The following UBE2E1 variants were observed in gnomAD, a reference collection of about 807,000 sequenced individuals.
UBE2E1 encodes ubiquitin conjugating enzyme E2 E1, also known as ubiquitin-conjugating enzyme E2 E1.
UBE2E1 carries 6 observed loss-of-function variants against 21.4 expected under a neutral mutation model. The ratio of observed to expected loss-of-function variants is 0.28; its 90% confidence interval spans 0.15 to 0.55. The LOEUF (loss-of-function observed/expected upper bound fraction) is 0.55. Ranked by LOEUF, UBE2E1 falls within the 20% of genes least tolerant of loss-of-function variation. UBE2E1 has a pLI of 0.93. For missense variants in UBE2E1, 142 were observed against 236.5 expected (o/e 0.60, Z 2.62); for synonymous variants, 87 against 82.7 (o/e 1.05, Z -0.28).
intron 3 of UBE2E1, among the ~76,000 whole-genome samples, chr3:23,844,009 T>C (rs1700145248): frequency 6.6e-6 from 1 of 152,220 alleles, no homozygotes; most frequent in South Asian, 2.1e-4. Context: ...CCATGTGTAA[T>C]TTTTTATGCT....
chr3:23,882,874 C>G (rs1162881464), intron 3 of UBE2E1, among the ~76,000 whole-genome samples: 2 of 152,224 alleles, frequency 1.3e-5, no homozygotes, highest in African/African-American at 2.4e-5. Context: ...TCTCGCTGTT[C>G]CATGAGCACT....
chr3:23,825,618 C>G (rs1016479825), intron 3 of UBE2E1, among the ~76,000 whole-genome samples: 1 of 152,032 alleles, frequency 6.6e-6, no homozygotes, highest in African/African-American at 2.4e-5. Context: ...TTGGTTGGTG[C>G]CACATTGGGG....
intron 3 of UBE2E1, among the ~76,000 whole-genome samples, chr3:23,852,246 C>G (rs192424117): frequency 1.3e-5 from 2 of 152,264 alleles, no homozygotes; most frequent in East Asian, 3.9e-4. Context: ...ACACATGATT[C>G]ATGAACATTA....
chr3:23,807,107 G>C (rs2125277103), intron 1 of UBE2E1, 130 bp from the exon 2 acceptor site: 1 of 723,136 alleles, frequency 1.4e-6, no homozygotes, highest in East Asian at 2.8e-5. Context: ...TGCAGACTTT[G>C]AAAAGCGAGT....
chr3:23,861,733 C>G (rs2125313871), intron 3 of UBE2E1, among the ~76,000 whole-genome samples: 1 of 152,362 alleles, frequency 6.6e-6, no homozygotes, highest in South Asian at 2.1e-4. Context: ...TGGAATGACA[C>G]AAAGTTTGGC....
At chr3:23,860,628 C>G (rs7615009) in intron 3 of UBE2E1, among the ~76,000 whole-genome samples, 117,114 of 152,162 alleles carry the variant, frequency 0.77, 45,584 homozygotes, top group African/African-American at 0.84. Flanking sequence ...ACCCAACCAA[C>G]GTATCAAGTG....
intron 3 of UBE2E1, among the ~76,000 whole-genome samples, chr3:23,837,532 A>AT (rs1364693802): frequency 6.6e-6 from 1 of 152,246 alleles, no homozygotes; most frequent in African/African-American, 2.4e-5. Context: ...TGCCTGCACC[A>AT]TCCCAGTCCA....
chr3:23,832,506 G>T (rs1289401975), intron 3 of UBE2E1, among the ~76,000 whole-genome samples: 1 of 152,146 alleles, frequency 6.6e-6, no homozygotes, highest in Non-Finnish European at 1.5e-5. Context: ...TTAGCCAGGC[G>T]TGGTGGTGGG....
At chr3:23,826,735 A>G (rs116391612) in intron 3 of UBE2E1, among the ~76,000 whole-genome samples, 2,070 of 152,262 alleles carry the variant, frequency 0.014, 29 homozygotes, top group Non-Finnish European at 0.02. Flanking sequence ...GTTTTTTGTT[A>G]TGATAGCTGA....
chr3:23,861,376 A>G (rs1700552130), intron 3 of UBE2E1, among the ~76,000 whole-genome samples: 1 of 152,198 alleles, frequency 6.6e-6, no homozygotes, highest in Non-Finnish European at 1.5e-5. Context: ...TTCTGAAGAC[A>G]GTGACTAGTT....
At chr3:23,864,348 T>C (rs1289754854) in intron 3 of UBE2E1, among the ~76,000 whole-genome samples, 2 of 152,188 alleles carry the variant, frequency 1.3e-5, no homozygotes, top group Admixed American at 6.5e-5. Flanking sequence ...ACTCATGGCC[T>C]GGTAAGTTTT....
intron 3 of UBE2E1, among the ~76,000 whole-genome samples, chr3:23,886,554 C>G (rs1701188531): frequency 1.3e-5 from 2 of 152,210 alleles, no homozygotes; most frequent in Non-Finnish European, 2.9e-5. Flanking sequence ...TAACCTGTTG[C>G]ATCTCTCACA....
chr3:23,828,103 T>C (rs1699794146), intron 3 of UBE2E1, among the ~76,000 whole-genome samples: 1 of 152,234 alleles, frequency 6.6e-6, no homozygotes, highest in Non-Finnish European at 1.5e-5. Flanking sequence ...TCATTTGTGT[T>C]TGTCTCTCTG....
intron 3 of UBE2E1, among the ~76,000 whole-genome samples, chr3:23,838,991 C>G (rs1700028577): frequency 6.6e-6 from 1 of 151,010 alleles, no homozygotes; most frequent in Admixed American, 6.6e-5. Context: ...TAGAATACAT[C>G]TTTAGCTTAT....
chr3:23,850,912 C>T (rs1700311044), intron 3 of UBE2E1, among the ~76,000 whole-genome samples: 1 of 148,178 alleles, frequency 6.7e-6, no homozygotes, highest in Non-Finnish European at 1.5e-5. Context: ...TCTTGAATTC[C>T]TGGGCCCAAG....
At chr3:23,868,389 AC>A (rs1348074960) in intron 3 of UBE2E1, among the ~76,000 whole-genome samples, 3 of 151,804 alleles carry the variant, frequency 2.0e-5, no homozygotes, top group African/African-American at 7.3e-5. Flanking sequence ...ACTCACTGCA[AC>A]CCCCACCTCC....
In UBE2E1 at chr3:23,870,495, GC is replaced by G. The variant is rs1237282707; in HGVS notation, c.204-17071del. ...GCAGAGCAGCTTTAAGCACAGAGGCGCAGATAGGGGTAGCTAGAACTTGGCC... is the reference window on the plus strand; with the variant it reads ...GCAGAGCAGCTTTAAGCACAGAGGCGAGATAGGGGTAGCTAGAACTTGGCC... On this transcript the variant is annotated intron_variant, in intron 3 of 5. Transcript: ENST00000306627. This position sits in a 1 kb window ranked among gnomAD's most constrained non-coding sequence, Gnocchi z 4.2. 6.6e-6 allele frequency among the ~76,000 whole-genome samples: 1 copy of G among 152,118 alleles called. No homozygotes were observed. Among genetic ancestry groups the G allele is most frequent in the African/African-American group, 2.4e-5 (1 of 41,436 alleles).
chr3:23,882,306 A>C (rs994214480), intron 3 of UBE2E1, among the ~76,000 whole-genome samples: 2 of 152,198 alleles, frequency 1.3e-5, no homozygotes. Context: ...TAGACACAAA[A>C]GTTCTCCAAG....
At chr3:23,845,808 T>C (rs540839180) in intron 3 of UBE2E1, among the ~76,000 whole-genome samples, 1 of 152,178 alleles carries the variant, frequency 6.6e-6, no homozygotes, top group African/African-American at 2.4e-5. Context: ...AATGAAAAAA[T>C]GTGGTTGTGT....
Sources: gnomAD v4.1 joint callset for allele counts (sites outside exome capture counted in the v4.1 genomes callset) on GRCh38, gnomAD v4.1.1 for gene constraint, Gnocchi (gnomAD v3.1) non-coding constraint, MANE v1.5 for transcripts, NCBI Gene and HGNC (gene_info 2026-07-23, HGNC 2026-07-21) for gene names.